The following KLRG1 variants were observed in gnomAD, a reference collection of about 807,000 sequenced individuals.
KLRG1 encodes the protein killer cell lectin-like receptor subfamily G member 1.
A neutral mutation model predicts 21.8 loss-of-function variants in KLRG1; 16 were observed. The ratio of observed to expected loss-of-function variants is 0.73; its 90% CI spans 0.50 to 1.11. KLRG1 has a LOEUF of 1.11. Ranked by LOEUF, KLRG1 falls within the 50% of genes most tolerant of loss-of-function variation. The pLI is 0.00. For missense variants in KLRG1, 173 were observed against 218.3 expected, an observed-to-expected ratio of 0.79 and a Z score of 1.31; for synonymous variants, 69 against 75.9, an observed-to-expected ratio of 0.91 and a Z score of 0.47.
At chr12:9,155,932 C>A in the KLRG1 span, 1 of 161,562 alleles carries the variant, frequency 6.2e-6, no homozygotes, top group South Asian at 1.8e-4. Flanking sequence ...TCACACCATC[C>A]TCATGGTAGT....
chr12:9,068,755 C>G, the KLRG1 span: 1 of 1,604,790 alleles, frequency 6.2e-7, no homozygotes, highest in Non-Finnish European at 8.5e-7. Flanking sequence ...TCGTAGTAAT[C>G]ATAGACTTTC....
At chr12:9,092,929 G>A in the KLRG1 span, among the ~76,000 whole-genome samples, 28 of 152,326 alleles carry the variant, frequency 1.8e-4, no homozygotes, top group African/African-American at 6.5e-4. Context: ...AGCCTTAAGT[G>A]GAAGAAGATC....
At chr12:9,070,685 C>A in the KLRG1 span, 1 of 725,136 alleles carries the variant, frequency 1.4e-6, no homozygotes, top group South Asian at 2.0e-5. Context: ...ACACGTAAGT[C>A]TTCCCAAATA....
At chr12:9,145,517 T>C in the KLRG1 span, among the ~76,000 whole-genome samples, 2 of 152,176 alleles carry the variant, frequency 1.3e-5, no homozygotes, top group Non-Finnish European at 2.9e-5. Flanking sequence ...TTAAAACATA[T>C]TTTAGTTTGT....
the KLRG1 span, among the ~76,000 whole-genome samples, chr12:9,065,495 A>G: frequency 1.3e-5 from 2 of 152,116 alleles, no homozygotes; most frequent in African/African-American, 4.8e-5. Context: ...CACGCTCAGG[A>G]CAGTGCTGAT....
chr12:9,039,593 G>A, the KLRG1 span, among the ~76,000 whole-genome samples: 1 of 151,778 alleles, frequency 6.6e-6, no homozygotes, highest in South Asian at 2.1e-4. Flanking sequence ...GCCCTCTTTC[G>A]GTCAATGCCA....
downstream of KLRG1, among the ~76,000 whole-genome samples, chr12:9,014,091 G>T (rs1947667553): frequency 1.3e-5 from 2 of 151,960 alleles, no homozygotes; most frequent in African/African-American, 4.8e-5. Context: ...GAATAGAAAA[G>T]AATGAAGCAT....
chr12:9,025,804 G>A, the KLRG1 span, among the ~76,000 whole-genome samples: 2 of 152,168 alleles, frequency 1.3e-5, no homozygotes, highest in African/African-American at 2.4e-5. Flanking sequence ...ATTCTGATGG[G>A]TTTATTACAA....
At chr12:9,070,045 G>A in the KLRG1 span, among the ~76,000 whole-genome samples, 1 of 152,238 alleles carries the variant, frequency 6.6e-6, no homozygotes, top group Non-Finnish European at 1.5e-5. Flanking sequence ...AGACAGCTAA[G>A]TATCCTAAAC....
the KLRG1 span, chr12:9,036,774 T>C: frequency 1.0e-5 from 4 of 382,146 alleles, no homozygotes; most frequent in East Asian, 3.1e-4. Context: ...TAATTTTGAT[T>C]TTGCTGGACC....
At chr12:9,169,436 G>A in the KLRG1 span, 12 of 1,592,492 alleles carry the variant, frequency 7.5e-6, no homozygotes, top group South Asian at 1.4e-4. Flanking sequence ...TTACCTTGAG[G>A]AAGCTATAAA....
At chr12:9,116,240 C>A in the KLRG1 span, 1 of 279,186 alleles carries the variant, frequency 3.6e-6, no homozygotes, top group South Asian at 3.9e-5. Context: ...GAATAGCTGG[C>A]AAGGAAAACT....
chr12:9,183,562 G>C, the KLRG1 span, among the ~76,000 whole-genome samples: 1 of 152,086 alleles, frequency 6.6e-6, no homozygotes, highest in Non-Finnish European at 1.5e-5. Flanking sequence ...ACCACGTTTG[G>C]CTAATTTTTT....
intron 1 of KLRG1, among the ~76,000 whole-genome samples, chr12:8,982,140 A>G (rs1378562639): frequency 6.6e-6 from 1 of 152,242 alleles, no homozygotes; most frequent in Non-Finnish European, 1.5e-5. Context: ...GATAGGATTA[A>G]GCTAATAATC....
the KLRG1 span, chr12:9,069,072 T>G: frequency 5.1e-6 from 2 of 392,954 alleles, no homozygotes; most frequent in African/African-American, 4.1e-5. Flanking sequence ...AATACATAGC[T>G]CTGTTCATGG....
chr12:9,020,059 A>G, the KLRG1 span, among the ~76,000 whole-genome samples: 1 of 133,162 alleles, frequency 7.5e-6, no homozygotes, highest in Non-Finnish European at 1.6e-5. Context: ...ATATATATAT[A>G]TATACACACA....
At chr12:9,017,489 TATC>T in the KLRG1 span, among the ~76,000 whole-genome samples, 16 of 152,256 alleles carry the variant, frequency 1.1e-4, no homozygotes, top group African/African-American at 3.8e-4. Flanking sequence ...TGATACATCA[TATC>T]AACAGAATGA....
chr12:9,163,829 A>G, the KLRG1 span: 1 of 1,597,926 alleles, frequency 6.3e-7, no homozygotes, highest in Non-Finnish European at 8.5e-7. Context: ...ATCCACTTTG[A>G]TAGTCCAATC....
the KLRG1 span, among the ~76,000 whole-genome samples, chr12:9,197,580 A>G: frequency 1.0e-5 from 1 of 100,426 alleles, no homozygotes; most frequent in Non-Finnish European, 1.8e-5. Context: ...ATAATATATG[A>G]CATAATATAA....
Sources: gnomAD v4.1 joint callset for allele counts (sites outside exome capture counted in the v4.1 genomes callset) on GRCh38, gnomAD v4.1.1 for gene constraint, MANE v1.5 for transcripts, NCBI Gene and HGNC (gene_info 2026-07-23, HGNC 2026-07-21) for gene names.